Variants in KHDRBS2 observed in about 807,000 individuals in gnomAD.
The protein encoded by KHDRBS2 is KH RNA binding domain containing, signal transduction associated 2, also known as KH domain-containing, RNA-binding, signal transduction-associated protein 2.
A neutral mutation model predicts 44.3 loss-of-function variants in KHDRBS2; 26 were observed. The ratio of observed to expected loss-of-function variants is 0.59; its 90% CI spans 0.43 to 0.81. The LOEUF (loss-of-function observed/expected upper bound fraction) is 0.81, where lower values mean the gene tolerates loss of function less well. KHDRBS2 is among the 40% of genes least tolerant of loss of function. KHDRBS2 has a pLI of 0.00. For missense variants in KHDRBS2, 476 were observed against 433.1 expected (o/e 1.10, Z -0.88); for synonymous variants, 194 against 151.1 (o/e 1.28, Z -2.08).
At chr6:61,592,630 T>C in the KHDRBS2 span, among the ~76,000 whole-genome samples, 1 of 152,222 alleles carries the variant, frequency 6.6e-6, no homozygotes, top group Non-Finnish European at 1.5e-5. Context: ...GCTCTCTGAA[T>C]AGCTAACTCA....
the KHDRBS2 span, among the ~76,000 whole-genome samples, chr6:61,582,559 C>A: frequency 6.6e-6 from 1 of 151,506 alleles, no homozygotes; most frequent in African/African-American, 2.4e-5. Context: ...AACAAAATTT[C>A]TATATCATAC....
intron 6 of KHDRBS2, among the ~76,000 whole-genome samples, chr6:61,766,429 T>A (rs769239467): frequency 2.6e-5 from 4 of 152,150 alleles, no homozygotes; most frequent in South Asian, 2.1e-4. Context: ...CATTTTTGTT[T>A]CATTGATATT....
the KHDRBS2 span, among the ~76,000 whole-genome samples, chr6:61,590,213 A>T: frequency 2.0e-5 from 3 of 152,306 alleles, no homozygotes; most frequent in Admixed American, 6.5e-5. Flanking sequence ...ATGAAAAAAG[A>T]TGGGGACTAT....
chr6:61,701,317 A>G (rs993590302), intron 7 of KHDRBS2, among the ~76,000 whole-genome samples: 4 of 151,988 alleles, frequency 2.6e-5, no homozygotes, highest in African/African-American at 9.7e-5. Context: ...TTTCTGTGTT[A>G]GTTCTATAAT....
the KHDRBS2 span, among the ~76,000 whole-genome samples, chr6:61,644,263 G>T: frequency 1.3e-5 from 2 of 152,120 alleles, no homozygotes. Flanking sequence ...GCAGATGATT[G>T]AAACTGGACC....
intron 6 of KHDRBS2, among the ~76,000 whole-genome samples, chr6:61,791,150 T>G (rs1784581235): frequency 6.6e-6 from 1 of 151,348 alleles, no homozygotes; most frequent in South Asian, 2.1e-4. Context: ...ATTATTTAAA[T>G]CAGAGGTTTG....
At chr6:61,959,206 G>T (rs1768090427) in intron 4 of KHDRBS2, among the ~76,000 whole-genome samples, 1 of 152,136 alleles carries the variant, frequency 6.6e-6, no homozygotes, top group Non-Finnish European at 1.5e-5. Flanking sequence ...GTTAAGAATA[G>T]AAAATATTGA....
rs181949375 is a variant in KHDRBS2 at position 61,743,678 on chromosome 6, C to T, written c.811-10914G>A. ...TAAGTTTTAGGGTACATGTGCACAA[C>T]GTGCAGGTTTGTTACATATGCATAC... On this transcript the variant is annotated intron_variant, in intron 6 of 8. Coordinates refer to ENST00000281156, the MANE Select transcript of KHDRBS2 (RefSeq NM_152688.4). Among the ~76,000 whole-genome samples, 26 of 151,816 alleles carry T rather than the reference C, an allele frequency of 1.7e-4. No homozygotes were observed. The Middle Eastern group carries it at 0.01, about 60-fold the overall frequency.
intron 2 of KHDRBS2, among the ~76,000 whole-genome samples, chr6:62,096,356 G>C (rs995634054): frequency 1.3e-5 from 2 of 151,838 alleles, no homozygotes; most frequent in Non-Finnish European, 2.9e-5. Flanking sequence ...TCTGGTCCTA[G>C]ATTTTTCTTT....
chr6:61,880,281 TA>T (rs1323773979), intron 6 of KHDRBS2, among the ~76,000 whole-genome samples: 1 of 151,796 alleles, frequency 6.6e-6, no homozygotes, highest in Non-Finnish European at 1.5e-5. Context: ...AAACTTATAA[TA>T]GAAAAAAATA....
intron 1 of KHDRBS2, among the ~76,000 whole-genome samples, chr6:62,235,382 C>G (rs1339388265): frequency 2.0e-5 from 3 of 151,934 alleles, no homozygotes; most frequent in Non-Finnish European, 4.4e-5. Context: ...ACCTATTTAC[C>G]AGTCTGCATT....
At chr6:61,867,536 CTT>C (rs963256672) in intron 6 of KHDRBS2, among the ~76,000 whole-genome samples, 27 of 152,308 alleles carry the variant, frequency 1.8e-4, no homozygotes, top group African/African-American at 5.8e-4. Flanking sequence ...GGCACTATGA[CTT>C]TTTGAGTTTT....
Position 61,775,034 on chromosome 6 carries a change from C to CA in KHDRBS2, c.811-42271dup, listed in dbSNP as rs571632666. Among the ~76,000 whole-genome samples the CA allele has an allele frequency of 2.4e-4, 37 of 152,124 alleles. No individual in the cohort carries two copies. In the East Asian group the frequency reaches 6.8e-3, roughly 28 times the overall value. ...TCCAACATATAAACAGAACCAAAGA[C>CA]AAAAACCACATGATTATCTCAAGAG... On this transcript the variant is annotated intron_variant, in intron 6 of 8. Transcript: ENST00000281156.
chr6:62,028,755 A>G (rs1425487762), intron 3 of KHDRBS2, among the ~76,000 whole-genome samples: 2 of 152,116 alleles, frequency 1.3e-5, no homozygotes, highest in Non-Finnish European at 2.9e-5. Flanking sequence ...TGTTTTCTTA[A>G]AGACATTAGC....
chr6:62,161,515 T>C (rs937758638), intron 2 of KHDRBS2, among the ~76,000 whole-genome samples: 4 of 128,864 alleles, frequency 3.1e-5, no homozygotes, highest in Non-Finnish European at 6.2e-5. Flanking sequence ...ATAGGTTGTA[T>C]GCAAATACTA....
At chr6:61,782,513 C>T (rs968257881) in intron 6 of KHDRBS2, among the ~76,000 whole-genome samples, 4 of 151,614 alleles carry the variant, frequency 2.6e-5, no homozygotes, top group African/African-American at 9.7e-5. Context: ...AATAAACGAT[C>T]ACAGATGAAT....
chr6:61,916,192 G>T (rs1220043505), intron 4 of KHDRBS2, among the ~76,000 whole-genome samples: 2 of 152,052 alleles, frequency 1.3e-5, no homozygotes, highest in East Asian at 1.9e-4. Context: ...AAAGCTAAAA[G>T]ATATTTGTAA....
intron 6 of KHDRBS2, among the ~76,000 whole-genome samples, chr6:61,840,942 G>T (rs953265459): frequency 6.6e-5 from 10 of 152,112 alleles, no homozygotes; most frequent in African/African-American, 1.9e-4. Context: ...ACCACTGGAG[G>T]CCAACTGTTT....
chr6:61,606,487 T>C, the KHDRBS2 span, among the ~76,000 whole-genome samples: 1 of 152,146 alleles, frequency 6.6e-6, no homozygotes, highest in African/African-American at 2.4e-5. Context: ...GCATAAAAAA[T>C]TTTTAAATGT....
Sources: gnomAD v4.1 joint callset for allele counts (sites outside exome capture counted in the v4.1 genomes callset) on GRCh38, gnomAD v4.1.1 for gene constraint, MANE v1.5 for transcripts, NCBI Gene and HGNC (gene_info 2026-07-23, HGNC 2026-07-21) for gene names.